Variants in PTH2R observed in about 807,000 individuals in gnomAD.
The protein encoded by PTH2R is parathyroid hormone 2 receptor, also known as PTH2 receptor.
Under a neutral mutation model 60.3 loss-of-function variants are expected in PTH2R, and 59 were observed. The observed-to-expected ratio is 0.98, with a 90% CI of 0.79 to 1.22. PTH2R has a LOEUF of 1.22. Ranked by LOEUF, PTH2R falls within the 50% of genes most tolerant of loss-of-function variation. The probability of loss-of-function intolerance (pLI) is 0.00; values close to 1 mark genes in which losing one functional copy is unlikely to be tolerated. For synonymous variants in PTH2R, 256 were observed against 243.8 expected (o/e 1.05, Z -0.47); for missense variants, 749 against 682.6 (o/e 1.10, Z -1.08).
intron 1 of PTH2R, among the ~76,000 whole-genome samples, chr2:208,388,031 C>T (rs556094874): frequency 5.3e-5 from 8 of 151,688 alleles, no homozygotes; most frequent in African/African-American, 1.7e-4. Context: ...ACACTTCAGC[C>T]GGGCGCGGTG....
chr2:208,436,834 C>T (rs971088584), intron 2 of PTH2R, among the ~76,000 whole-genome samples: 1 of 151,316 alleles, frequency 6.6e-6, no homozygotes, highest in Non-Finnish European at 1.5e-5. Context: ...TTGAGAACTA[C>T]AAAAAAAAGG....
At chr2:208,483,576 G>T (rs1317763623) in intron 10 of PTH2R, among the ~76,000 whole-genome samples, 3 of 152,074 alleles carry the variant, frequency 2.0e-5, no homozygotes, top group Admixed American at 6.5e-5. Flanking sequence ...ATTCATGGAG[G>T]ATTATTTCCA....
chr2:208,436,960 T>C (rs1702087312), intron 2 of PTH2R, among the ~76,000 whole-genome samples: 1 of 152,160 alleles, frequency 6.6e-6, no homozygotes, highest in African/African-American at 2.4e-5. Context: ...GGAGATGAAG[T>C]GACTTGGACT....
intron 2 of PTH2R, among the ~76,000 whole-genome samples, chr2:208,431,160 A>G (rs913678471): frequency 2.6e-5 from 4 of 151,868 alleles, no homozygotes; most frequent in African/African-American, 7.3e-5. Flanking sequence ...CTTCATATAT[A>G]TTTTCCAGTT....
intron 9 of PTH2R, among the ~76,000 whole-genome samples, chr2:208,464,582 A>G (rs1213456196): frequency 6.6e-6 from 1 of 152,224 alleles, no homozygotes; most frequent in African/African-American, 2.4e-5. Context: ...CGCAGTAGTT[A>G]CAGCATAGAT....
intron 5 of PTH2R, 54 bp downstream of exon 5, chr2:208,442,515 A>G: frequency 7.4e-7 from 1 of 1,350,948 alleles, no homozygotes. Context: ...TTTCCTATCC[A>G]GAGAAGACAT....
At chr2:208,445,653 A>G (rs1191593744) in intron 7 of PTH2R, among the ~76,000 whole-genome samples, 4 of 152,194 alleles carry the variant, frequency 2.6e-5, no homozygotes, top group Non-Finnish European at 4.4e-5. Context: ...GCATAGGAAA[A>G]AAATTCACTA....
At chr2:208,475,621 T>C (rs1256193984) in intron 9 of PTH2R, among the ~76,000 whole-genome samples, 1 of 152,220 alleles carries the variant, frequency 6.6e-6, no homozygotes, top group Admixed American at 6.5e-5. Flanking sequence ...GACAACATTA[T>C]TGCAGAGATT....
chr2:208,459,517 ACTTT>A (rs1485975062), intron 8 of PTH2R, among the ~76,000 whole-genome samples: 5 of 152,142 alleles, frequency 3.3e-5, no homozygotes, highest in African/African-American at 9.7e-5. Context: ...GTGAGAGAGA[ACTTT>A]CTTTATCAGT....
At chr2:208,360,148 G>C (rs1214305655) in exon 1 of PTH2R, 1 of 441,696 alleles carries the variant, frequency 2.3e-6, no homozygotes, top group Non-Finnish European at 4.5e-6. Flanking sequence ...GAAGCAGTTT[G>C]TCACCAGCAT....
intron 10 of PTH2R, among the ~76,000 whole-genome samples, chr2:208,486,541 C>A (rs192640623): frequency 6.6e-4 from 100 of 152,304 alleles, no homozygotes; most frequent in African/African-American, 2.2e-3. Flanking sequence ...ATTTTGAGAA[C>A]GGTCTCTGGG....
At chr2:208,469,849 T>C (rs936471956) in intron 9 of PTH2R, 1 of 152,226 alleles carries the variant, frequency 6.6e-6, no homozygotes, top group African/African-American at 2.4e-5. Flanking sequence ...TGCTTTGTTT[T>C]GGTTCTGGGC....
At chr2:208,480,843 A>G (rs1703130566) in intron 9 of PTH2R, among the ~76,000 whole-genome samples, 1 of 152,198 alleles carries the variant, frequency 6.6e-6, no homozygotes, top group South Asian at 2.1e-4. Context: ...CCAGCAGATC[A>G]TCCTCTGGTA....
chr2:208,425,495 A>G (rs927825134), intron 1 of PTH2R, among the ~76,000 whole-genome samples: 8 of 152,220 alleles, frequency 5.3e-5, no homozygotes, highest in African/African-American at 1.9e-4. Context: ...TAATTTGCAT[A>G]TAAGTGGGTA....
At chr2:208,395,099 G>T (rs888932310) in intron 1 of PTH2R, among the ~76,000 whole-genome samples, 1 of 151,720 alleles carries the variant, frequency 6.6e-6, no homozygotes, top group East Asian at 1.9e-4. Context: ...CCAGGCTGGA[G>T]TGCAGTGGCG....
At chr2:208,390,463 T>G (rs962734689) in intron 1 of PTH2R, among the ~76,000 whole-genome samples, 8 of 152,192 alleles carry the variant, frequency 5.3e-5, no homozygotes, top group Non-Finnish European at 1.0e-4. Context: ...GTCGTTGAAT[T>G]GAGTGAACTA....
intron 1 of PTH2R, among the ~76,000 whole-genome samples, chr2:208,394,360 G>A (rs544599465): frequency 8.1e-4 from 123 of 152,362 alleles, no homozygotes; most frequent in African/African-American, 2.8e-3. Context: ...AGAAAGAGAA[G>A]TGAGAATAAA....
chr2:208,382,804 A>C (rs553923186), intron 1 of PTH2R, among the ~76,000 whole-genome samples: 5 of 152,270 alleles, frequency 3.3e-5, no homozygotes, highest in South Asian at 2.1e-4. Flanking sequence ...TGCCAACTCA[A>C]CTTAGAGTTT....
chr2:208,384,223 G>T (rs1574826107), intron 1 of PTH2R, among the ~76,000 whole-genome samples: 1 of 152,320 alleles, frequency 6.6e-6, no homozygotes, highest in African/African-American at 2.4e-5. Flanking sequence ...GTGAGGATTG[G>T]TGAGGGTTTG....
Sources: gnomAD v4.1 joint callset for allele counts (sites outside exome capture counted in the v4.1 genomes callset) on GRCh38, gnomAD v4.1.1 for gene constraint, MANE v1.5 for transcripts, NCBI Gene and HGNC (gene_info 2026-07-23, HGNC 2026-07-21) for gene names.